CPE: variants seen among roughly 807,000 people sequenced by gnomAD.
CPE encodes the protein carboxypeptidase E.
Under a neutral mutation model 53.5 loss-of-function variants are expected in CPE, and 17 were observed. That is an observed-to-expected ratio of 0.32 (90% CI 0.22 to 0.48). CPE has a LOEUF of 0.48. Among genes scored for constraint, CPE ranks in the 20% least tolerant of loss-of-function variants. The pLI, the probability that CPE is intolerant of heterozygous loss-of-function variation, is 0.99. For synonymous variants in CPE, 226 were observed against 228.8 expected (o/e 0.99, Z 0.11); for missense variants, 524 against 614.7 (o/e 0.85, Z 1.56).
At chr4:165,459,952 G>GAGGA (rs1298582103) in intron 1 of CPE, among the ~76,000 whole-genome samples, 1 of 147,598 alleles carries the variant, frequency 6.8e-6, no homozygotes, top group East Asian at 2.0e-4. Flanking sequence ...ATGAATTAGT[G>GAGGA]AAGAAAGTAA....
At chr4:165,450,055 C>CGTTA (rs1731782732) in intron 1 of CPE, among the ~76,000 whole-genome samples, 11 of 152,140 alleles carry the variant, frequency 7.2e-5, no homozygotes, top group Admixed American at 7.2e-4. Flanking sequence ...TTGGGACACA[C>CGTTA]ATGAAATTAA....
chr4:165,497,431 G>A (rs1174403055), intron 8 of CPE, 81 bp from the exon 9 acceptor site: 1 of 713,750 alleles, frequency 1.4e-6, no homozygotes, highest in Non-Finnish European at 2.1e-6. Context: ...AGTGTATACT[G>A]AAACTGCTCT....
chr4:165,493,238 C>T lies in CPE; in HGVS notation c.1181C>T (p.Ser394Phe), dbSNP rs764918504. The change falls in exon 7 of 9, where the codon TCC becomes TTC. Residue 394 changes from serine (S) to phenylalanine (F), a missense_variant. Physicochemically the swap from Ser to Phe is radical, Grantham distance 155. Transcript: ENST00000402744. Reference sequence around the variant, plus strand: ...AACCCAATTGCGAATGCCACCATCTCCGTGGAAGGAATAGACCACGATGTT... The same window carrying T: ...AACCCAATTGCGAATGCCACCATCTTCGTGGAAGGAATAGACCACGATGTT... ...QGNPIANATI[S>F]VEGIDHDVTS... is the part of the protein sequence containing the mutation. The T allele has an allele frequency of 6.2e-7, 1 of 1,614,112 alleles. No homozygotes were observed. The highest frequency in any genetic ancestry group is 1.6e-4 in the Middle Eastern group (1 of 6,062).
intron 5 of CPE, among the ~76,000 whole-genome samples, chr4:165,486,760 C>T (rs189769084): frequency 7.4e-4 from 113 of 152,296 alleles, no homozygotes; most frequent in African/African-American, 2.4e-3. Context: ...ACATTCCCCA[C>T]ATTTTTCCTC....
In CPE at chr4:165,438,284, A is replaced by C. The variant is rs73860750; in HGVS notation, c.308-26106A>C. On this transcript the variant is annotated intron_variant, in intron 1 of 8. Transcript: ENST00000402744. The stretch of plus-strand genomic sequence containing the variant: ...ATGAGCAATATTGGCGAAGTTTGAT[A>C]AATGGAGTTATGTGAGGGAGTTGTT... Among the ~76,000 whole-genome samples, 856 of 152,192 alleles carry C rather than the reference A, an allele frequency of 5.6e-3. 8 individuals carry two copies. Among genetic ancestry groups the C allele is most frequent in the African/African-American group, 0.018 (759 of 41,524 alleles).
At chr4:165,462,613 G>A (rs1156387398) in intron 1 of CPE, among the ~76,000 whole-genome samples, 2 of 152,152 alleles carry the variant, frequency 1.3e-5, no homozygotes, top group Admixed American at 6.5e-5. Context: ...TAAACTGCAT[G>A]AGTTTACAGA....
At chr4:165,452,232 G>T (rs538747901) in intron 1 of CPE, among the ~76,000 whole-genome samples, 1 of 152,122 alleles carries the variant, frequency 6.6e-6, no homozygotes, top group Non-Finnish European at 1.5e-5. Context: ...CAACACTACC[G>T]TCGGTAAATT....
intron 1 of CPE, among the ~76,000 whole-genome samples, chr4:165,424,016 C>T (rs1393057623): frequency 6.6e-6 from 1 of 152,074 alleles, no homozygotes; most frequent in African/African-American, 2.4e-5. Flanking sequence ...ATTATGTCCA[C>T]TTGACCTGTT....
In CPE at chr4:165,390,292, C is replaced by T. The variant is rs2126654907; in HGVS notation, c.307+10764C>T. On this transcript the variant is annotated intron_variant, in intron 1 of 8. Coordinates refer to ENST00000402744, the MANE Select transcript of CPE (RefSeq NM_001873.4). Reference sequence around the variant, plus strand: ...GTTCTGGTGTTTTCTATATTGAGCCCTGGTTCTGTGTTGCCTTCAGTCTAC... The same window carrying T: ...GTTCTGGTGTTTTCTATATTGAGCCTTGGTTCTGTGTTGCCTTCAGTCTAC... 1.3e-5 allele frequency among the ~76,000 whole-genome samples: 2 copies of T among 152,270 alleles called. 1 individual carries two copies. Among genetic ancestry groups the T allele is most frequent in the South Asian group, 4.1e-4 (2 of 4,828 alleles).
intron 1 of CPE, among the ~76,000 whole-genome samples, chr4:165,433,327 G>C (rs918529354): frequency 6.6e-6 from 1 of 152,108 alleles, no homozygotes; most frequent in African/African-American, 2.4e-5. Flanking sequence ...AGATGACTTA[G>C]TTTTAGTTTG....
chr4:165,381,368 A>G, intron 1 of CPE: 1 of 454,916 alleles, frequency 2.2e-6, no homozygotes, highest in South Asian at 1.6e-5. Flanking sequence ...TTATGAAATA[A>G]TCTACATTAT....
chr4:165,476,382 G>A (rs1233908803), intron 3 of CPE, among the ~76,000 whole-genome samples: 2 of 152,084 alleles, frequency 1.3e-5, no homozygotes, highest in African/African-American at 4.8e-5. Flanking sequence ...TGGGAGGGGC[G>A]CTTGCACAGT....
chr4:165,433,781 C>G (rs746849221), intron 1 of CPE, among the ~76,000 whole-genome samples: 3 of 152,182 alleles, frequency 2.0e-5, no homozygotes, highest in African/African-American at 7.2e-5. Context: ...TTCTTAAATG[C>G]AGAGGATATC....
intron 1 of CPE, among the ~76,000 whole-genome samples, chr4:165,415,472 G>A (rs566907097): frequency 6.6e-6 from 1 of 152,150 alleles, no homozygotes; most frequent in Non-Finnish European, 1.5e-5. Context: ...TTCCTTTAAA[G>A]TATGCTTTGG....
In CPE at chr4:165,379,331, T is replaced by C; in HGVS notation, c.110T>C (p.Met37Thr). The part of the protein sequence containing the change: ...AQEPGAPAAG[M>T]RRRRRLQQED... ...GAGCCCGGGGCGCCCGCGGCGGGCATGAGGCGGCGCCGGCGGCTGCAGCAA... is the reference window on the plus strand; with the variant it reads ...GAGCCCGGGGCGCCCGCGGCGGGCACGAGGCGGCGCCGGCGGCTGCAGCAA... Residue 37 changes from methionine to threonine, a missense_variant, in exon 1 of 9, where the codon ATG (methionine) becomes ACG (threonine). Met to Thr is a moderately conservative substitution (Grantham distance 81). Transcript: ENST00000402744. The surrounding 1 kb of genome is among the most constrained non-coding windows in gnomAD (Gnocchi z 6.0). 2 of 1,576,362 alleles carry C rather than the reference T, an allele frequency of 1.3e-6. No individual in the cohort carries two copies. Among genetic ancestry groups the C allele is most frequent in the Non-Finnish European group, 8.6e-7 (1 of 1,166,138 alleles).
chr4:165,492,534 T>C (rs1732625057), intron 6 of CPE, among the ~76,000 whole-genome samples: 1 of 152,136 alleles, frequency 6.6e-6, no homozygotes, highest in African/African-American at 2.4e-5. Flanking sequence ...TCAAGACTCA[T>C]GTTGCAAAAA....
intron 2 of CPE, among the ~76,000 whole-genome samples, chr4:165,465,485 A>G (rs1056715731): frequency 6.6e-6 from 1 of 152,096 alleles, no homozygotes; most frequent in African/African-American, 2.4e-5. Flanking sequence ...ACAGATTATC[A>G]TTGCTGTTTT....
chr4:165,406,221 T>C, intron 1 of CPE: 2 of 662,302 alleles, frequency 3.0e-6, no homozygotes, highest in South Asian at 1.4e-5. Context: ...TTTGACTCCA[T>C]AGTTAATATG....
chr4:165,396,631 A>G (rs1318689651), intron 1 of CPE, among the ~76,000 whole-genome samples: 1 of 151,036 alleles, frequency 6.6e-6, no homozygotes, highest in Non-Finnish European at 1.5e-5. Context: ...AGATTGTGCC[A>G]CTGCACTCCA....
Sources: gnomAD v4.1 joint callset for allele counts (sites outside exome capture counted in the v4.1 genomes callset) on GRCh38, gnomAD v4.1.1 for gene constraint, Gnocchi (gnomAD v3.1) non-coding constraint, MANE v1.5 for transcripts, NCBI Gene and HGNC (gene_info 2026-07-23, HGNC 2026-07-21) for gene names.